The following ZNFX1 variants were observed in gnomAD, a reference collection of about 807,000 sequenced individuals.
The protein encoded by ZNFX1 is NFX1-type zinc finger-containing protein 1.
In ZNFX1, 78 loss-of-function variants were observed where a neutral mutation model predicts 179.8. The ratio of observed to expected loss-of-function variants is 0.43; its 90% CI spans 0.36 to 0.52. ZNFX1 has a LOEUF of 0.52. ZNFX1 is among the 20% of genes least tolerant of loss of function. ZNFX1 has a pLI of 0.00. For synonymous variants in ZNFX1, 848 were observed against 868.5 expected, an observed-to-expected ratio of 0.98 and a Z score of 0.42; for missense variants, 1,927 against 2,386.6, an observed-to-expected ratio of 0.81 and a Z score of 4.01.
Position 49,252,146 on chromosome 20 carries a change from C to CT in ZNFX1, c.3217-525dup, listed in dbSNP as rs201035414. On this transcript the variant is annotated intron_variant, in intron 12 of 13. Transcript: ENST00000396105. ...CACACCTGGCCTCTATTTTTCTTTT[C>CT]TTTTTTTTTTTTCTGAGACAGAATC... 4.0e-3 allele frequency among the ~76,000 whole-genome samples: 527 copies of CT among 131,698 alleles called. 7 individuals carry two copies. The highest frequency in any genetic ancestry group is 0.01 in the East Asian group (46 of 4,412). The allele number at this position is 131,698 out of a possible 152,430, so 86.4% of individuals were successfully genotyped here. A position where few individuals can be genotyped will look rare whatever the true frequency, so the allele number is the denominator to read the frequency against.
rs1271313114 is a variant in ZNFX1 at position 49,254,482 on chromosome 20, C to T, written c.2959+13G>A. 1.9e-6 allele frequency: 3 copies of T among 1,612,342 alleles called. No homozygotes were observed. Among genetic ancestry groups the T allele is most frequent in the Admixed American group, 3.3e-5 (2 of 59,894 alleles). ...CTTAGATGCAACAGGCAAATTTCTC[C>T]ACAGTTTCTTACCTGTGGTTGTCAT... On this transcript the variant is annotated intron_variant, in intron 10 of 13. Transcript: ENST00000396105.
chr20:49,277,545 G>A (rs1981609238), intron 1 of ZNFX1, among the ~76,000 whole-genome samples: 1 of 151,574 alleles, frequency 6.6e-6, no homozygotes, highest in Non-Finnish European at 1.5e-5. Context: ...ACAGACAGGG[G>A]TAGGGGCAGA....
intron 5 of ZNFX1, 95 bp from the exon 6 acceptor site, chr20:49,263,578 A>C: frequency 7.1e-7 from 1 of 1,410,050 alleles, no homozygotes; most frequent in Non-Finnish European, 9.7e-7. Context: ...AGACAGGAAC[A>C]GTAAGGAGGG....
rs1452556560 is a variant in ZNFX1 at position 49,270,819 on chromosome 20, C to T, written c.993G>A (p.Glu331=). ...LVQPEAEDHV[E]SYRTMPIYPT... ...GGTAAATGGGCATGGTTCGGTAGCT[C>T]TCAACATGGTCTTCTGCCTCAGGCT... Residue 331 remains glutamate, a synonymous_variant, in exon 3 of 14, where the codon GAG becomes GAA. Transcript: ENST00000396105. This position sits in a 1 kb window ranked among gnomAD's most constrained non-coding sequence, Gnocchi z 4.6. 1.9e-6 allele frequency: 3 copies of T among 1,614,166 alleles called. No homozygotes were observed. Among genetic ancestry groups the T allele is most frequent in the African/African-American group, 1.3e-5 (1 of 75,044 alleles).
In ZNFX1 at chr20:49,248,544, A is replaced by G; in HGVS notation, c.4480T>C (p.Cys1494Arg). The G allele has an allele frequency of 6.2e-7, 1 of 1,614,206 alleles. No homozygotes were observed. The highest frequency in any genetic ancestry group is 8.5e-7 in the Non-Finnish European group (1 of 1,180,042). Residue 1494 changes from cysteine to arginine, a missense_variant, in exon 14 of 14, where the codon TGT becomes CGT. By Grantham distance (180) the Cys-to-Arg change is radical. Transcript: ENST00000396105. This position sits in a 1 kb window ranked among gnomAD's most constrained non-coding sequence, Gnocchi z 4.6. ...TTCTTCTTGCACTGGCTGTGGACAC[A>G]GCGGTTCTGACAGGTCCGCTGGCAG... is the stretch of plus-strand genomic sequence containing the variant. ...PPCQRTCQNRCVHSQCKKKCG... is the reference protein window; with the variant it reads ...PPCQRTCQNRRVHSQCKKKCG...
intron 2 of ZNFX1, among the ~76,000 whole-genome samples, chr20:49,271,974 G>A (rs1396980724): frequency 6.6e-6 from 1 of 152,162 alleles, no homozygotes; most frequent in Non-Finnish European, 1.5e-5. Flanking sequence ...AAGGGAAAAG[G>A]AATAAACAGT....
Position 49,255,866 on chromosome 20 carries a change from C to T in ZNFX1, c.2746G>A (p.Ala916Thr). Residue 916 changes from alanine to threonine, a missense_variant, in exon 9 of 14, where the codon GCC (alanine) becomes ACC (threonine). Physicochemically the swap from Ala to Thr is moderately conservative, Grantham distance 58. Coordinates refer to ENST00000396105, the MANE Select transcript of ZNFX1 (RefSeq NM_021035.3). ...TGCCAAACATCCTCGATCTCGTTGG[C>T]CTCGGCTGCAGTCATGGTGTTCAGT... ...RKLNTMTAAE[A>T]NEIEDVWQLD... is the part of the protein sequence containing the mutation. 1 of 1,614,122 alleles carries T rather than the reference C, an allele frequency of 6.2e-7. No homozygotes were observed. The highest frequency in any genetic ancestry group is 8.5e-7 in the Non-Finnish European group (1 of 1,180,022).
At position 49,246,747 on chromosome 20, in the gene ZNFX1, T is replaced by C; in HGVS notation, c.*520A>G. On this transcript the variant is annotated 3_prime_UTR_variant, in exon 14 of 14. Coordinates refer to ENST00000396105, the MANE Select transcript of ZNFX1 (RefSeq NM_021035.3). ...AATTTGCAGGAGAGAAGGGGTGAGA[T>C]TTGTTAACTTTGCTCTCAGTTCTGG... The C allele has an allele frequency of 2.4e-6, 1 of 417,270 alleles. No individual in the cohort carries two copies. Among genetic ancestry groups the C allele is most frequent in the Non-Finnish European group, 4.8e-6 (1 of 210,270 alleles). 25.8% of individuals were successfully genotyped at this position (417,270 alleles called of 1,614,324 possible).
At chr20:49,267,996 C>G (rs1240337708) in intron 3 of ZNFX1, among the ~76,000 whole-genome samples, 1 of 151,988 alleles carries the variant, frequency 6.6e-6, no homozygotes, top group Non-Finnish European at 1.5e-5. Flanking sequence ...GCCTCAGCCT[C>G]CCGAGTAGCT....
chr20:49,276,508 G>A (rs1465054153), intron 1 of ZNFX1, among the ~76,000 whole-genome samples: 1 of 152,206 alleles, frequency 6.6e-6, no homozygotes, highest in Non-Finnish European at 1.5e-5. Context: ...TGGCAACTAC[G>A]AGGTGCTGTT....
At position 49,270,118 on chromosome 20, in the gene ZNFX1, G is replaced by A. The variant is rs1427439400; in HGVS notation, c.1694C>T (p.Ser565Leu). 6.2e-7 allele frequency: 1 copy of A among 1,614,080 alleles called. No homozygotes were observed. Among genetic ancestry groups the A allele is most frequent in the Non-Finnish European group, 8.5e-7 (1 of 1,180,046 alleles). The change falls in exon 3 of 14, where the codon TCA becomes TTA. Residue 565 changes from serine (S) to leucine (L), a missense_variant. Transcript: ENST00000396105. The surrounding 1 kb of genome is among the most constrained non-coding windows in gnomAD (Gnocchi z 4.6). ...YDFTPLIENP[S>L]ATGEFLRNVE... is the part of the protein sequence containing the mutation. ...ATTTCTTAGAAATTCCCCAGTGGCT[G>A]AAGGATTCTCTATTAAGGGGGTAAA... is the stretch of plus-strand genomic sequence containing the variant.
At chr20:49,253,936 T>C (rs1980904816) in intron 10 of ZNFX1, 125 bp from the exon 11 acceptor site, 2 of 1,170,496 alleles carry the variant, frequency 1.7e-6, no homozygotes, top group South Asian at 2.9e-5. Flanking sequence ...CTGGTCCTTA[T>C]AGTGTTCTGG....
In ZNFX1 at chr20:49,254,576, C is replaced by T; in HGVS notation, c.2878G>A (p.Ala960Thr). ...LSYERQYRTS[A>T]ERMAELRLQE... is the part of the protein sequence containing the mutation. ...AGTCTCAGCTCGGCCATTCTTTCTGCTGATGTGCGGTACTGGCGTTCATAG... is the reference window on the plus strand; with the variant it reads ...AGTCTCAGCTCGGCCATTCTTTCTGTTGATGTGCGGTACTGGCGTTCATAG... Residue 960 changes from alanine (A) to threonine (T), a missense_variant, in exon 10 of 14, where the codon GCA becomes ACA. Ala to Thr is a moderately conservative substitution (Grantham distance 58, BLOSUM62 0). Transcript: ENST00000396105. 1 of 1,614,188 alleles carries T rather than the reference C, an allele frequency of 6.2e-7. No individual in the cohort carries two copies. The highest frequency in any genetic ancestry group is 8.5e-7 in the Non-Finnish European group (1 of 1,180,030).
chr20:49,248,531 T>C lies in ZNFX1; in HGVS notation c.4493A>G (p.Gln1498Arg). Residue 1498 changes from glutamine to arginine, a missense_variant, in exon 14 of 14, where the codon CAG becomes CGG. Gln to Arg is a conservative substitution (Grantham distance 43). Coordinates refer to ENST00000396105, the MANE Select transcript of ZNFX1 (RefSeq NM_021035.3). The surrounding 1 kb of genome is among the most constrained non-coding windows in gnomAD (Gnocchi z 4.6). The part of the protein sequence containing the change: ...RTCQNRCVHS[Q>R]CKKKCGELCS... ...CAGCTCCCCACATTTCTTCTTGCAC[T>C]GGCTGTGGACACAGCGGTTCTGACA... 1 of 1,614,202 alleles carries C rather than the reference T, an allele frequency of 6.2e-7. No homozygotes were observed. Among genetic ancestry groups the C allele is most frequent in the Non-Finnish European group, 8.5e-7 (1 of 1,180,040 alleles).
Position 49,246,676 on chromosome 20 carries a change from G to A in ZNFX1, c.*591C>T. On this transcript the variant is annotated 3_prime_UTR_variant, in exon 14 of 14. Coordinates refer to ENST00000396105, the MANE Select transcript of ZNFX1 (RefSeq NM_021035.3). ...TAAAGACCCAGAGATACCACTAGGT[G>A]GCCCTAGGTGGAAGCCCCAAACATG... 2.8e-6 allele frequency: 1 copy of A among 356,414 alleles called. No homozygotes were observed. The highest frequency in any genetic ancestry group is 5.5e-6 in the Non-Finnish European group (1 of 181,426). The allele number at this position is 356,414 out of a possible 1,614,324, so 22.1% of individuals were successfully genotyped here. A position where few individuals can be genotyped will look rare whatever the true frequency, so the allele number is the denominator to read the frequency against.
chr20:49,253,692 G>A lies in ZNFX1; in HGVS notation c.3079C>T (p.Leu1027Phe). 6.2e-7 allele frequency: 1 copy of A among 1,614,178 alleles called. No homozygotes were observed. The highest frequency in any genetic ancestry group is 8.5e-7 in the Non-Finnish European group (1 of 1,180,040). ...IATLSKACQH[L>F]ILIGDHQQLR... ...TGCTGGTGGTCCCCAATCAAAATGA[G>A]GTGCTGGCAAGCTTTGCTCAATGTG... is the stretch of plus-strand genomic sequence containing the variant. The change falls in exon 11 of 14, where the codon CTC becomes TTC. Residue 1027 changes from leucine to phenylalanine, a missense_variant. Transcript: ENST00000396105.
chr20:49,256,858 C>T (rs752057176), intron 8 of ZNFX1, among the ~76,000 whole-genome samples: 2 of 152,180 alleles, frequency 1.3e-5, no homozygotes, highest in Non-Finnish European at 2.9e-5. Context: ...ATCTAATCCT[C>T]GATCATCATA....
intron 1 of ZNFX1, among the ~76,000 whole-genome samples, chr20:49,277,209 A>C (rs1252119193): frequency 6.6e-6 from 1 of 152,150 alleles, no homozygotes; most frequent in Non-Finnish European, 1.5e-5. Context: ...AGTGGGACGC[A>C]GGAGGCTGAG....
Position 49,248,599 on chromosome 20 carries a change from G to A in ZNFX1, c.4425C>T (p.Cys1475=). Residue 1475 remains cysteine (C), a synonymous_variant, in exon 14 of 14, where the codon TGC becomes TGT. Transcript: ENST00000396105. The surrounding 1 kb of genome is among the most constrained non-coding windows in gnomAD (Gnocchi z 4.6). Reference sequence around the variant, plus strand: ...GGCACTCACCAATGCATGGTTCCTGGCACTTGTGTGAGCAGATAAGCAGGC... The same window carrying A: ...GGCACTCACCAATGCATGGTTCCTGACACTTGTGTGAGCAGATAAGCAGGC... ...CKRLLICSHK[C]QEPCIGECPP... 2 of 1,614,156 alleles carry A rather than the reference G, an allele frequency of 1.2e-6. No homozygotes were observed. Among genetic ancestry groups the A allele is most frequent in the Non-Finnish European group, 1.7e-6 (2 of 1,180,048 alleles).
Sources: gnomAD v4.1 joint callset for allele counts (sites outside exome capture counted in the v4.1 genomes callset) on GRCh38, gnomAD v4.1.1 for gene constraint, Gnocchi (gnomAD v3.1) non-coding constraint, MANE v1.5 for transcripts, NCBI Gene and HGNC (gene_info 2026-07-23, HGNC 2026-07-21) for gene names.